The following PAWR variants were observed in gnomAD, a reference collection of about 807,000 sequenced individuals.
PAWR encodes the protein pro-apoptotic WT1 regulator.
Under a neutral mutation model 32.0 loss-of-function variants are expected in PAWR, and 23 were observed. The ratio of observed to expected loss-of-function variants is 0.72; its 90% confidence interval spans 0.52 to 1.02. The LOEUF is 1.02. Ranked by LOEUF, PAWR falls within the 50% of genes least tolerant of loss-of-function variation. PAWR has a pLI of 0.00. For missense variants in PAWR, 457 were observed against 437.7 expected (o/e 1.04, Z -0.39); for synonymous variants, 226 against 187.1 (o/e 1.21, Z -1.70).
chr12:79,614,229 CG>C (rs1860887776), intron 3 of PAWR, among the ~76,000 whole-genome samples: 1 of 150,696 alleles, frequency 6.6e-6, no homozygotes, highest in Non-Finnish European at 1.5e-5. Context: ...AGATTGGTCT[CG>C]AACTCCTGAC....
At chr12:79,616,839 C>A (rs572350551) in intron 3 of PAWR, among the ~76,000 whole-genome samples, 5 of 152,138 alleles carry the variant, frequency 3.3e-5, no homozygotes, top group African/African-American at 1.2e-4. Context: ...TACGTTGGTA[C>A]GAAAAGTAAT....
At position 79,585,415 on chromosome 12, in the gene PAWR, A is replaced by T. The variant is rs146173974; in HGVS notation, c.*7192T>A. 3.2e-3 allele frequency: 645 copies of T among 202,756 alleles called. 10 individuals are homozygous for T. Among genetic ancestry groups the T allele is most frequent in the African/African-American group, 0.014 (600 of 42,332 alleles). 12.6% of individuals were successfully genotyped at this position (202,756 alleles called of 1,614,324 possible). A position where few individuals can be genotyped will look rare whatever the true frequency, so the allele number is the denominator to read the frequency against. On this transcript the variant is annotated 3_prime_UTR_variant, in exon 7 of 7. Coordinates refer to ENST00000328827, the MANE Select transcript of PAWR (RefSeq NM_002583.4). The stretch of plus-strand genomic sequence containing the variant: ...GTGAAGTCAATGCTACTGGTGTCAG[A>T]AACACACTTTAAGAACCACTGGCAA...
intron 2 of PAWR, among the ~76,000 whole-genome samples, chr12:79,640,839 A>G (rs144959455): frequency 6.6e-6 from 1 of 152,326 alleles, no homozygotes; most frequent in African/African-American, 2.4e-5. Flanking sequence ...GAACACAGGG[A>G]TACATATTAA....
intron 4 of PAWR, among the ~76,000 whole-genome samples, chr12:79,612,411 G>A (rs1395688548): frequency 6.6e-6 from 1 of 152,032 alleles, no homozygotes; most frequent in Non-Finnish European, 1.5e-5. Flanking sequence ...TATTTTAGAT[G>A]AAACAGCTGA....
intron 2 of PAWR, among the ~76,000 whole-genome samples, chr12:79,664,663 G>GA (rs1039933132): frequency 1.3e-4 from 20 of 149,192 alleles, no homozygotes; most frequent in Non-Finnish European, 2.2e-4. Context: ...TTTGGCGGGG[G>GA]GGGGAGGAGA....
intron 4 of PAWR, among the ~76,000 whole-genome samples, chr12:79,606,728 A>G (rs1293456874): frequency 6.6e-6 from 1 of 152,228 alleles, no homozygotes; most frequent in African/African-American, 2.4e-5. Context: ...CATGCTAGGC[A>G]AATTAACATT....
At chr12:79,683,603 T>TC (rs1376466769) in intron 2 of PAWR, among the ~76,000 whole-genome samples, 21 of 150,020 alleles carry the variant, frequency 1.4e-4, no homozygotes, top group Non-Finnish European at 1.8e-4. Context: ...CAGTGGAAAC[T>TC]CCTTTTTTTT....
chr12:79,612,268 T>C (rs1002776025), intron 4 of PAWR, among the ~76,000 whole-genome samples: 7 of 152,190 alleles, frequency 4.6e-5, no homozygotes, highest in African/African-American at 1.7e-4. Context: ...TGTTTTCTCA[T>C]GTGCCAGAAA....
intron 6 of PAWR, 59 bp from the exon 7 acceptor site, chr12:79,592,752 A>G (rs1873601096): frequency 1.1e-5 from 7 of 640,166 alleles, no homozygotes. Context: ...AGAGATGAAA[A>G]CACTTAATAC....
intron 2 of PAWR, among the ~76,000 whole-genome samples, chr12:79,646,102 T>C (rs886283559): frequency 7.9e-5 from 12 of 152,168 alleles, no homozygotes; most frequent in African/African-American, 2.9e-4. Flanking sequence ...ATATTTGCAT[T>C]ACATTGATTG....
chr12:79,649,755 A>G (rs1876752299), intron 2 of PAWR, among the ~76,000 whole-genome samples: 1 of 152,062 alleles, frequency 6.6e-6, no homozygotes, highest in Non-Finnish European at 1.5e-5. Context: ...GCGCCAAGGG[A>G]CTCCAGCCTG....
intron 2 of PAWR, among the ~76,000 whole-genome samples, chr12:79,623,414 TAAG>T (rs1371568078): frequency 6.6e-6 from 1 of 152,250 alleles, no homozygotes; most frequent in East Asian, 1.9e-4. Context: ...TAGAACTAGG[TAAG>T]AAGAATAGGC....
intron 2 of PAWR, among the ~76,000 whole-genome samples, chr12:79,630,092 A>G (rs1416630246): frequency 6.6e-6 from 1 of 152,032 alleles, no homozygotes; most frequent in Non-Finnish European, 1.5e-5. Flanking sequence ...AAATAAATGG[A>G]AGAAAATGAA....
chr12:79,638,908 T>G (rs1358614085), intron 2 of PAWR, among the ~76,000 whole-genome samples: 1 of 35,512 alleles, frequency 2.8e-5, no homozygotes, highest in Non-Finnish European at 4.8e-5. Flanking sequence ...TTTTTTTTTT[T>G]TTTTTTTTTT....
At chr12:79,663,811 C>T (rs569451315) in intron 2 of PAWR, among the ~76,000 whole-genome samples, 91 of 151,942 alleles carry the variant, frequency 6.0e-4, no homozygotes, top group Admixed American at 1.3e-3. Flanking sequence ...ACAGTGTGAA[C>T]TTCTGACACA....
chr12:79,601,867 G>A (rs1271322377), intron 4 of PAWR, among the ~76,000 whole-genome samples: 1 of 152,098 alleles, frequency 6.6e-6, no homozygotes, highest in African/African-American at 2.4e-5. Flanking sequence ...ACAAAAAAAT[G>A]AGAATTTTTT....
intron 4 of PAWR, 100 bp downstream of exon 4, chr12:79,613,475 T>C: frequency 1.7e-6 from 1 of 578,108 alleles, no homozygotes; most frequent in South Asian, 3.1e-5. Flanking sequence ...GAAAAGTTTC[T>C]TACTTTTCAA....
At position 79,586,068 on chromosome 12, in the gene PAWR, ATAAGT is replaced by A. The variant is rs1238591246; in HGVS notation, c.*6534_*6538del. ...CTCATCAAAATTTTCATTGATTTAA[ATAAGT>A]TAATATGAACAGACTGACATAATTT... On this transcript the variant is annotated 3_prime_UTR_variant, in exon 7 of 7. Transcript: ENST00000328827. The A allele has an allele frequency of 2.6e-5, 4 of 152,200 alleles. No individual in the cohort carries two copies. The highest frequency in any genetic ancestry group is 7.2e-5 in the African/African-American group (3 of 41,450). 9.4% of individuals were successfully genotyped at this position (152,200 alleles called of 1,614,324 possible).
chr12:79,675,135 T>C (rs1878100267), intron 2 of PAWR, among the ~76,000 whole-genome samples: 4 of 152,160 alleles, frequency 2.6e-5, no homozygotes, highest in Admixed American at 2.0e-4. Context: ...CACAGCACTT[T>C]GGAGGCCAAG....
Sources: gnomAD v4.1 joint callset for allele counts (sites outside exome capture counted in the v4.1 genomes callset) on GRCh38, gnomAD v4.1.1 for gene constraint, MANE v1.5 for transcripts, NCBI Gene and HGNC (gene_info 2026-07-23, HGNC 2026-07-21) for gene names.